ZNF451: variants seen among roughly 807,000 people sequenced by gnomAD.
ZNF451 encodes zinc finger protein 451.
A neutral mutation model predicts 107.1 loss-of-function variants in ZNF451; 80 were observed. The observed-to-expected ratio is 0.75, with a 90% CI of 0.62 to 0.90. The LOEUF (loss-of-function observed/expected upper bound fraction) is 0.90. ZNF451 is among the 40% of genes least tolerant of loss of function. The pLI is 0.00. For synonymous variants in ZNF451, 362 were observed against 406.5 expected, an observed-to-expected ratio of 0.89 and a Z score of 1.32; for missense variants, 1,107 against 1,236.2, an observed-to-expected ratio of 0.90 and a Z score of 1.57.
intron 2 of ZNF451, among the ~76,000 whole-genome samples, chr6:57,095,805 C>CT (rs751828785): frequency 1.9e-4 from 28 of 150,982 alleles, no homozygotes; most frequent in South Asian, 4.2e-4. Context: ...ATTACTGCAG[C>CT]TTTTTTTTTT....
intron 3 of ZNF451, chr6:57,108,196 G>T (rs1396768373): frequency 1.0e-6 from 1 of 985,248 alleles, no homozygotes; most frequent in Non-Finnish European, 1.2e-6. Flanking sequence ...CAAGAATTGT[G>T]TTCAGTTAGT....
intron 13 of ZNF451, chr6:57,159,574 A>G (rs1763579305): frequency 5.8e-6 from 1 of 172,878 alleles, no homozygotes; most frequent in Non-Finnish European, 1.0e-5. Flanking sequence ...ATGGGCTATC[A>G]TTAGCGTTAG....
rs1223448836 is a variant in ZNF451, at chr6:57,150,806, T to G, written c.2696T>G (p.Phe899Cys). 1 of 1,614,038 alleles carries G rather than the reference T, an allele frequency of 6.2e-7. No individual in the cohort carries two copies. The highest frequency in any genetic ancestry group is 8.5e-7 in the Non-Finnish European group (1 of 1,179,986). The change falls in exon 11 of 15, where the codon TTT (phenylalanine) becomes TGT (cysteine). Residue 899 changes from phenylalanine (F) to cysteine (C), a missense_variant. By Grantham distance (205) the Phe-to-Cys change is radical. Around this residue, in one of 5 missense-constraint regions of ZNF451, gnomAD observed 608 missense variants for 649.2 expected, o/e 0.94. Transcript: ENST00000370706. ...VFVDFDNWSN[F>C]FGHLPGHLNQ... Reference sequence around the variant, plus strand: ...GTAGATTTTGATAACTGGTCAAACTTTTTTGGTCATCTACCAGGGCATCTA... The same window carrying G: ...GTAGATTTTGATAACTGGTCAAACTGTTTTGGTCATCTACCAGGGCATCTA...
At chr6:57,099,033 A>G in intron 2 of ZNF451, 28 bp from the exon 3 acceptor site, 1 of 1,586,016 alleles carries the variant, frequency 6.3e-7, no homozygotes, top group Non-Finnish European at 8.7e-7. Context: ...ACTGTTAATG[A>G]CTTCTAAATT....
chr6:57,129,828 T>C (rs1248230080), intron 5 of ZNF451, among the ~76,000 whole-genome samples: 2 of 152,142 alleles, frequency 1.3e-5, no homozygotes, highest in African/African-American at 4.8e-5. Context: ...TTCTTCTTAC[T>C]TGCCTGTGGG....
At chr6:57,138,731 A>ATGTGGGTGTG (rs1298715865) in intron 7 of ZNF451, among the ~76,000 whole-genome samples, 1 of 113,292 alleles carries the variant, frequency 8.8e-6, no homozygotes. Context: ...ATATATATAT[A>ATGTGGGTGTG]TATATATATA....
chr6:57,111,141 G>A (rs1388704975), intron 3 of ZNF451, among the ~76,000 whole-genome samples: 3 of 151,846 alleles, frequency 2.0e-5, no homozygotes, highest in African/African-American at 7.3e-5. Flanking sequence ...GGCTGGTCTC[G>A]AACTCCTGAC....
intron 3 of ZNF451, chr6:57,103,932 A>C: frequency 2.0e-6 from 2 of 985,282 alleles, no homozygotes; most frequent in South Asian, 9.4e-5. Flanking sequence ...TGATGGCGTA[A>C]ATTTTCCTAC....
intron 2 of ZNF451, among the ~76,000 whole-genome samples, chr6:57,096,053 G>C (rs1829288802): frequency 6.6e-6 from 1 of 151,862 alleles, no homozygotes. Context: ...CGAACTCATG[G>C]CCTCATGTGG....
In ZNF451 at chr6:57,130,861, G is replaced by A. The variant is rs574538583; in HGVS notation, c.424+2021G>A. Among the ~76,000 whole-genome samples the A allele has an allele frequency of 2.6e-5, 4 of 152,234 alleles. 1 individual carries two copies. In the South Asian group the frequency reaches 8.3e-4, roughly 32 times the overall value. On this transcript the variant is annotated intron_variant, in intron 5 of 14. Transcript: ENST00000370706. The stretch of plus-strand genomic sequence containing the variant: ...CTTAAGCCTGGAGTTAAGGTCTGTA[G>A]TTATGATCTTTTTTGTGTGATGGGC...
chr6:57,161,782 C>T (rs1763685145), intron 14 of ZNF451, among the ~76,000 whole-genome samples: 1 of 152,132 alleles, frequency 6.6e-6, no homozygotes, highest in Admixed American at 6.5e-5. Flanking sequence ...GCAACCTCTG[C>T]CTCCTGGGTT....
At chr6:57,160,926 T>A (rs1763644199) in intron 13 of ZNF451, 158 bp from the exon 14 acceptor site, 1 of 442,590 alleles carries the variant, frequency 2.3e-6, no homozygotes, top group Middle Eastern at 5.9e-4. Flanking sequence ...TTAATATTAT[T>A]TGGCAAGCAC....
At chr6:57,162,712 G>A (rs1437926733) in intron 14 of ZNF451, among the ~76,000 whole-genome samples, 1 of 152,188 alleles carries the variant, frequency 6.6e-6, no homozygotes, top group African/African-American at 2.4e-5. Context: ...CATGGAAAAT[G>A]CCAGGCAAAA....
rs1388380543 is a variant in ZNF451, at chr6:57,147,822, T to C, written c.1737T>C (p.Asp579=). ...ETLPSSSTTL[D]NLTANKPSSA... is the part of the protein sequence containing the mutation. ...TGCCATCATCCTCTACAACATTGGA[T>C]AATTTGACTGCTAACAAGCCTTCAT... The change falls in exon 10 of 15, where the codon GAT becomes GAC. Residue 579 remains aspartate (D), a synonymous_variant. Coordinates refer to ENST00000370706, the MANE Select transcript of ZNF451 (RefSeq NM_001031623.3). 6.2e-7 allele frequency: 1 copy of C among 1,614,106 alleles called. No individual in the cohort carries two copies. The highest frequency in any genetic ancestry group is 2.2e-5 in the East Asian group (1 of 44,888).
intron 4 of ZNF451, among the ~76,000 whole-genome samples, chr6:57,125,475 A>C (rs940596536): frequency 1.3e-5 from 2 of 152,278 alleles, no homozygotes; most frequent in African/African-American, 4.8e-5. Flanking sequence ...ATTGGGTAAA[A>C]AACTCCATAC....
chr6:57,157,527 C>G (rs1340006256), intron 13 of ZNF451, among the ~76,000 whole-genome samples: 1 of 152,030 alleles, frequency 6.6e-6, no homozygotes, highest in Non-Finnish European at 1.5e-5. Flanking sequence ...GGTAAAAGTT[C>G]TTTTCTCTAC....
At chr6:57,150,619 G>C (rs1257342221) in intron 10 of ZNF451, 100 bp from the exon 11 acceptor site, 1 of 1,215,778 alleles carries the variant, frequency 8.2e-7, no homozygotes, top group Non-Finnish European at 1.1e-6. Flanking sequence ...TTCAAGGTTA[G>C]TATTTTTGCA....
At chr6:57,098,917 G>T in intron 2 of ZNF451, 144 bp from the exon 3 acceptor site, 1 of 579,232 alleles carries the variant, frequency 1.7e-6, no homozygotes, top group South Asian at 2.5e-5. Flanking sequence ...TGCTGCTTTT[G>T]TTCTGGTTAT....
At chr6:57,138,407 C>T (rs910723523) in intron 7 of ZNF451, among the ~76,000 whole-genome samples, 3 of 151,338 alleles carry the variant, frequency 2.0e-5, no homozygotes, top group East Asian at 1.9e-4. Context: ...GGATTACAGG[C>T]GCCTGCCACC....
Sources: gnomAD v4.1 joint callset for allele counts (sites outside exome capture counted in the v4.1 genomes callset) on GRCh38, gnomAD v4.1.1 for gene constraint, gnomAD v4.1.1 regional missense constraint, MANE v1.5 for transcripts, NCBI Gene and HGNC (gene_info 2026-07-23, HGNC 2026-07-21) for gene names.